Variants in C8orf34 observed in about 807,000 individuals in gnomAD.
The protein encoded by C8orf34 is uncharacterized protein C8orf34.
Under a neutral mutation model 68.3 loss-of-function variants are expected in C8orf34, and 65 were observed. That is an observed-to-expected ratio of 0.95 (90% CI 0.78 to 1.17). The LOEUF is 1.17. Ranked by LOEUF, C8orf34 falls within the 50% of genes most tolerant of loss-of-function variation. C8orf34 has a pLI of 0.00. For synonymous variants in C8orf34, 244 were observed against 241.2 expected, an observed-to-expected ratio of 1.01 and a Z score of -0.11; for missense variants, 664 against 655.4, an observed-to-expected ratio of 1.01 and a Z score of -0.14.
chr8:68,703,091 C>T (rs1364108839), intron 8 of C8orf34, among the ~76,000 whole-genome samples: 1 of 152,120 alleles, frequency 6.6e-6, no homozygotes, highest in Non-Finnish European at 1.5e-5. Context: ...AGTCCATCTT[C>T]CTTAAGTCTA....
At chr8:68,762,066 A>G (rs950852722) in intron 10 of C8orf34, among the ~76,000 whole-genome samples, 6 of 152,192 alleles carry the variant, frequency 3.9e-5, no homozygotes, top group African/African-American at 1.4e-4. Context: ...GCTGTGGCAC[A>G]CTGCATAATT....
At chr8:68,416,686 A>AT (rs1230262483) in intron 1 of C8orf34, among the ~76,000 whole-genome samples, 1 of 151,968 alleles carries the variant, frequency 6.6e-6, no homozygotes, top group African/African-American at 2.4e-5. Context: ...AGATGTCACC[A>AT]TGCCTGCCTA....
chr8:68,353,384 A>G (rs1270755044), intron 1 of C8orf34, among the ~76,000 whole-genome samples: 1 of 151,932 alleles, frequency 6.6e-6, no homozygotes, highest in Non-Finnish European at 1.5e-5. Context: ...AAGTTTAACT[A>G]TTTTGGTAAT....
At chr8:68,673,910 C>G (rs559107856) in intron 8 of C8orf34, among the ~76,000 whole-genome samples, 1 of 152,162 alleles carries the variant, frequency 6.6e-6, no homozygotes, top group African/African-American at 2.4e-5. Context: ...TACTCCTCCC[C>G]CAGCTCCAGG....
intron 7 of C8orf34, among the ~76,000 whole-genome samples, chr8:68,635,032 G>GA (rs932950217): frequency 1.1e-4 from 16 of 152,182 alleles, no homozygotes; most frequent in South Asian, 4.2e-4. Flanking sequence ...TTCTGAACTG[G>GA]AAAAAAGAGG....
chr8:68,478,429 C>G (rs1812716330), intron 4 of C8orf34, among the ~76,000 whole-genome samples: 1 of 152,150 alleles, frequency 6.6e-6, no homozygotes, highest in Admixed American at 6.5e-5. Context: ...CCAAACTTTC[C>G]CACATCTTCC....
intron 5 of C8orf34, among the ~76,000 whole-genome samples, chr8:68,510,647 CATA>C (rs1213002822): frequency 6.6e-6 from 1 of 152,030 alleles, no homozygotes; most frequent in Non-Finnish European, 1.5e-5. Context: ...GAAAAAAAAT[CATA>C]ATAGGACCGA....
At chr8:68,355,851 A>G (rs575496460) in intron 1 of C8orf34, among the ~76,000 whole-genome samples, 1 of 152,276 alleles carries the variant, frequency 6.6e-6, no homozygotes, top group East Asian at 1.9e-4. Context: ...AATATGTCCT[A>G]TCATCTCAGA....
Position 68,575,956 on chromosome 8 carries a change from G to GGTTTTTTTTTTTTTTTTTTTTT in C8orf34, c.1105+42807_1105+42808insGTTTTTTTTTTTTTTTTTTTTT. ...GCTGACATAATGCTAGTAGATGGTT[G>GGTTTTTTTTTTTTTTTTTTTTT]TTTTTTTTTTTTTTTTTTTTTGCCT... is the stretch of plus-strand genomic sequence containing the variant. On this transcript the variant is annotated intron_variant, in intron 7 of 13. Coordinates refer to ENST00000518698, the MANE Select transcript of C8orf34 (RefSeq NM_052958.4). 2.1e-5 allele frequency among the ~76,000 whole-genome samples: 2 copies of GGTTTTTTTTTTTTTTTTTTTTT among 96,348 alleles called. 1 individual carries two copies. The highest frequency in any genetic ancestry group is 4.2e-5 in the Non-Finnish European group (2 of 47,324). The allele number at this position is 96,348 out of a possible 152,430, so 63.2% of individuals were successfully genotyped here. A position where few individuals can be genotyped will look rare whatever the true frequency, so the allele number is the denominator to read the frequency against.
At position 68,669,556 on chromosome 8, in the gene C8orf34, G is replaced by C. The variant is rs141288095; in HGVS notation, c.1241+29045G>C. 2.3e-4 allele frequency among the ~76,000 whole-genome samples: 35 copies of C among 152,282 alleles called. No homozygotes were observed. The East Asian group carries it at 6.2e-3, about 27-fold the overall frequency. ...TAAAAATCCCATGAGGTGAACAAAT[G>C]GGAAATTATCAGGAAAACAATAATA... On this transcript the variant is annotated intron_variant, in intron 8 of 13. Transcript: ENST00000518698.
chr8:68,656,204 T>A (rs560671648), intron 8 of C8orf34, among the ~76,000 whole-genome samples: 1 of 152,174 alleles, frequency 6.6e-6, no homozygotes, highest in Non-Finnish European at 1.5e-5. Context: ...ACCCCCTTAA[T>A]TGATAATTTT....
chr8:68,588,235 T>G (rs1469815265), intron 7 of C8orf34, among the ~76,000 whole-genome samples: 1 of 152,124 alleles, frequency 6.6e-6, no homozygotes, highest in African/African-American at 2.4e-5. Context: ...GTTTTTCTTT[T>G]ACATGTTAAG....
intron 9 of C8orf34, among the ~76,000 whole-genome samples, chr8:68,715,827 A>T (rs549306555): frequency 2.2e-4 from 34 of 152,320 alleles, no homozygotes; most frequent in African/African-American, 8.2e-4. Flanking sequence ...ATCTATCCAG[A>T]TGAAAAGAAG....
At chr8:68,561,583 C>A (rs1360224719) in intron 7 of C8orf34, among the ~76,000 whole-genome samples, 1 of 152,050 alleles carries the variant, frequency 6.6e-6, no homozygotes, top group Non-Finnish European at 1.5e-5. Flanking sequence ...ATGGTGGAAT[C>A]CTGTCTCTAC....
intron 5 of C8orf34, among the ~76,000 whole-genome samples, chr8:68,494,927 A>AAT (rs1445553899): frequency 5.3e-5 from 8 of 150,766 alleles, no homozygotes; most frequent in African/African-American, 2.4e-5. Flanking sequence ...TATCTCAAAA[A>AAT]ATATATATAT....
At chr8:68,731,269 C>T (rs1009546844) in intron 10 of C8orf34, among the ~76,000 whole-genome samples, 4 of 152,114 alleles carry the variant, frequency 2.6e-5, no homozygotes, top group African/African-American at 9.7e-5. Context: ...TTCTTTTTTA[C>T]CTTTTAACCA....
chr8:68,436,025 T>C (rs1810650670), intron 1 of C8orf34, among the ~76,000 whole-genome samples: 1 of 152,106 alleles, frequency 6.6e-6, no homozygotes, highest in African/African-American at 2.4e-5. Context: ...CTGGCCAACA[T>C]GGAAAACCCT....
rs557354048 is a variant in C8orf34, at chr8:68,537,043, T to C, written c.1105+3894T>C. Among the ~76,000 whole-genome samples, 3 of 152,294 alleles carry C rather than the reference T, an allele frequency of 2.0e-5. No individual in the cohort carries two copies. The South Asian group carries it at 6.2e-4, about 32-fold the overall frequency. The stretch of plus-strand genomic sequence containing the variant: ...TGATCATTTGACACTTTCTTTCTTA[T>C]ATTCTGATCAACTTTTATAAAGTAA... On this transcript the variant is annotated intron_variant, in intron 7 of 13. Coordinates refer to ENST00000518698, the MANE Select transcript of C8orf34 (RefSeq NM_052958.4).
chr8:68,404,728 G>C (rs552223672), intron 1 of C8orf34, among the ~76,000 whole-genome samples: 1 of 152,220 alleles, frequency 6.6e-6, no homozygotes, highest in East Asian at 1.9e-4. Context: ...TTTTCCATTG[G>C]TCTAGAAATC....
Sources: gnomAD v4.1 joint callset for allele counts (sites outside exome capture counted in the v4.1 genomes callset) on GRCh38, gnomAD v4.1.1 for gene constraint, MANE v1.5 for transcripts, NCBI Gene and HGNC (gene_info 2026-07-23, HGNC 2026-07-21) for gene names.